Variants in MOXD1 observed in about 807,000 individuals in gnomAD.
The protein encoded by MOXD1 is monooxygenase DBH like 1.
A neutral mutation model predicts 66.6 loss-of-function variants in MOXD1; 62 were observed. The ratio of observed to expected loss-of-function variants is 0.93; its 90% confidence interval spans 0.76 to 1.15. The LOEUF is 1.15. Among genes scored for constraint, MOXD1 ranks in the 50% most tolerant of loss-of-function variants. The pLI, the probability that MOXD1 is intolerant of heterozygous loss-of-function variation, is 0.00. For synonymous variants in MOXD1, 303 were observed against 281.9 expected (o/e 1.07, Z -0.75); for missense variants, 847 against 754.6 (o/e 1.12, Z -1.44).
chr6:132,385,488 TA>T (rs1776610287), intron 1 of MOXD1, among the ~76,000 whole-genome samples: 3 of 141,618 alleles, frequency 2.1e-5, no homozygotes, highest in Admixed American at 1.4e-4. Context: ...TTATTATTAT[TA>T]TTATTATTAT....
At chr6:132,355,981 C>A (rs138013888) in intron 4 of MOXD1, among the ~76,000 whole-genome samples, 44 of 152,302 alleles carry the variant, frequency 2.9e-4, no homozygotes, top group African/African-American at 9.9e-4. Context: ...AAAAGCCAGA[C>A]ACAGAAGAGC....
At chr6:132,349,999 A>G (rs933570034) in intron 4 of MOXD1, among the ~76,000 whole-genome samples, 3 of 151,858 alleles carry the variant, frequency 2.0e-5, no homozygotes, top group African/African-American at 7.3e-5. Context: ...GATTTGTTTG[A>G]GTTTGTTGTC....
chr6:132,394,961 T>A (rs1776840056), intron 1 of MOXD1, among the ~76,000 whole-genome samples: 1 of 152,036 alleles, frequency 6.6e-6, no homozygotes. Flanking sequence ...GGCTCAAAGT[T>A]CTCCATATAG....
intron 4 of MOXD1, among the ~76,000 whole-genome samples, chr6:132,371,699 G>A (rs1468835096): frequency 1.3e-5 from 2 of 152,106 alleles, no homozygotes; most frequent in East Asian, 3.9e-4. Flanking sequence ...AGAGCACATA[G>A]TTTAATTAAA....
intron 10 of MOXD1, among the ~76,000 whole-genome samples, chr6:132,303,833 GTGTATATATA>G (rs1482767311): frequency 4.2e-4 from 25 of 59,982 alleles, no homozygotes; most frequent in African/African-American, 1.3e-3. Context: ...GTGTGTGTGT[GTGTATATATA>G]TATATATATA....
At chr6:132,326,323 T>C (rs1775187803) in intron 6 of MOXD1, among the ~76,000 whole-genome samples, 1 of 151,906 alleles carries the variant, frequency 6.6e-6, no homozygotes, top group Non-Finnish European at 1.5e-5. Context: ...TATTAACCTG[T>C]TAGGAAAATA....
intron 2 of MOXD1, among the ~76,000 whole-genome samples, chr6:132,373,930 GC>G (rs1172265124): frequency 1.3e-5 from 2 of 151,772 alleles, no homozygotes; most frequent in African/African-American, 4.8e-5. Flanking sequence ...CATTTTTTCT[GC>G]CTCGTTCACT....
rs1554237945 is a variant in MOXD1, at chr6:132,385,501, A to ATTATTATTT, written c.265-10725_265-10724insAAATAATAA. Among the ~76,000 whole-genome samples, 272 of 125,348 alleles carry ATTATTATTT rather than the reference A, an allele frequency of 2.2e-3. 1 individual carries two copies. The highest frequency in any genetic ancestry group is 6.7e-3 in the African/African-American group (228 of 33,944). The allele number at this position is 125,348 out of a possible 152,430, so 82.2% of individuals were successfully genotyped here. On this transcript the variant is annotated intron_variant, in intron 1 of 11. Coordinates refer to ENST00000367963, the MANE Select transcript of MOXD1 (RefSeq NM_015529.4). The stretch of plus-strand genomic sequence containing the variant: ...TATTATTATTATTATTATTATTATT[A>ATTATTATTT]GAGACACAGTTTCACTCCATTACCC...
At chr6:132,386,867 A>G (rs563090422) in intron 1 of MOXD1, among the ~76,000 whole-genome samples, 1 of 151,310 alleles carries the variant, frequency 6.6e-6, no homozygotes, top group East Asian at 1.9e-4. Context: ...CTACTCTTTC[A>G]TTATATTTAT....
At chr6:132,369,699 C>T (rs1471192370) in intron 4 of MOXD1, among the ~76,000 whole-genome samples, 4 of 152,028 alleles carry the variant, frequency 2.6e-5, no homozygotes, top group South Asian at 2.1e-4. Flanking sequence ...AAGTGACTAA[C>T]GGATGGGCAG....
In MOXD1 at chr6:132,296,833, A is replaced by T. The variant is rs959211992; in HGVS notation, c.*320T>A. ...AAAAAGTGAAATAGCAACAATGAGT[A>T]TTTAAATAAAACAGAATGTAGTAGG... On this transcript the variant is annotated 3_prime_UTR_variant, in exon 12 of 12. Transcript: ENST00000367963. 11 of 185,142 alleles carry T rather than the reference A, an allele frequency of 5.9e-5. No homozygotes were observed. In the East Asian group the frequency reaches 1.2e-3, roughly 21 times the overall value. The allele number at this position is 185,142 out of a possible 1,614,324, so 11.5% of individuals were successfully genotyped here.
chr6:132,337,523 C>T (rs1024804397), intron 4 of MOXD1, among the ~76,000 whole-genome samples: 5 of 152,180 alleles, frequency 3.3e-5, no homozygotes, highest in Admixed American at 1.3e-4. Context: ...ATCTTTCTCC[C>T]TTGCTTATTG....
chr6:132,357,647 G>C (rs987749757), intron 4 of MOXD1, among the ~76,000 whole-genome samples: 1 of 151,946 alleles, frequency 6.6e-6, no homozygotes. Flanking sequence ...GTGTCCAGCT[G>C]TTCTAAATTA....
chr6:132,392,317 A>G (rs1348128916), intron 1 of MOXD1: 1 of 1,583,724 alleles, frequency 6.3e-7, no homozygotes, highest in Admixed American at 1.8e-5. Flanking sequence ...AAATGATAAC[A>G]TATGTTTCAG....
At chr6:132,340,765 G>C (rs1260716160) in intron 4 of MOXD1, among the ~76,000 whole-genome samples, 1 of 149,002 alleles carries the variant, frequency 6.7e-6, no homozygotes, top group South Asian at 2.1e-4. Flanking sequence ...TCCTGCTTCA[G>C]CCTCTGGAGT....
intron 1 of MOXD1, among the ~76,000 whole-genome samples, chr6:132,380,564 T>C (rs1776487012): frequency 6.6e-6 from 1 of 152,250 alleles, no homozygotes; most frequent in South Asian, 2.1e-4. Flanking sequence ...GATCATTCCC[T>C]CTCTGAATTC....
At chr6:132,299,456 G>GA (rs201797210) in intron 10 of MOXD1, among the ~76,000 whole-genome samples, 2,141 of 151,266 alleles carry the variant, frequency 0.014, 62 homozygotes, top group African/African-American at 0.049. Flanking sequence ...AATGTACTGA[G>GA]AAAAAAAATA....
At chr6:132,337,394 T>C (rs778971454) in intron 4 of MOXD1, among the ~76,000 whole-genome samples, 38 of 152,250 alleles carry the variant, frequency 2.5e-4, no homozygotes, top group Admixed American at 2.0e-4. Context: ...TCCAGTTTAT[T>C]TACTATTCTT....
intron 4 of MOXD1, among the ~76,000 whole-genome samples, chr6:132,341,403 C>T (rs1357119420): frequency 6.6e-6 from 1 of 152,174 alleles, no homozygotes; most frequent in Non-Finnish European, 1.5e-5. Flanking sequence ...ATTGCCCAGT[C>T]TAAAGTATTT....
Sources: gnomAD v4.1 joint callset for allele counts (sites outside exome capture counted in the v4.1 genomes callset) on GRCh38, gnomAD v4.1.1 for gene constraint, MANE v1.5 for transcripts, NCBI Gene and HGNC (gene_info 2026-07-23, HGNC 2026-07-21) for gene names.